The following NECTIN2 variants were observed in gnomAD, a reference collection of about 807,000 sequenced individuals.
The protein encoded by NECTIN2 is nectin-2.
NECTIN2 carries 23 observed loss-of-function variants against 56.9 expected under a neutral mutation model. The ratio of observed to expected loss-of-function variants is 0.40; its 90% CI spans 0.29 to 0.57. The LOEUF (loss-of-function observed/expected upper bound fraction) is 0.57. Among genes scored for constraint, NECTIN2 ranks in the 20% least tolerant of loss-of-function variants. The probability of loss-of-function intolerance (pLI) is 0.38; values close to 1 mark genes in which losing one functional copy is unlikely to be tolerated. For synonymous variants in NECTIN2, 302 were observed against 313.8 expected (o/e 0.96, Z 0.40); for missense variants, 587 against 718.3 (o/e 0.82, Z 2.09).
chr19:44,847,077 A>G (rs1054894272), intron 1 of NECTIN2, among the ~76,000 whole-genome samples: 1 of 151,534 alleles, frequency 6.6e-6, no homozygotes, highest in Non-Finnish European at 1.5e-5. Context: ...TCCCTCCCCT[A>G]TTTTTCCTTC....
At position 44,875,888 on chromosome 19, in the gene NECTIN2, C is replaced by G. The variant is rs112988238; in HGVS notation, c.1042+1410C>G. On this transcript the variant is annotated intron_variant, in intron 5 of 8. Coordinates refer to ENST00000252483, the MANE Select transcript of NECTIN2 (RefSeq NM_001042724.2). The surrounding 1 kb of genome is among the most constrained non-coding windows in gnomAD (Gnocchi z 4.2). ...ACAGACAGCAAACCCAGAGAGACAGCTGTCCCGCTCTGGGCTCGCCTGGCG... is the reference window on the plus strand; with the variant it reads ...ACAGACAGCAAACCCAGAGAGACAGGTGTCCCGCTCTGGGCTCGCCTGGCG... 6.4e-4 allele frequency among the ~76,000 whole-genome samples: 98 copies of G among 152,326 alleles called. No homozygotes were observed. The highest frequency in any genetic ancestry group is 2.3e-3 in the African/African-American group (97 of 41,572).
intron 3 of NECTIN2, among the ~76,000 whole-genome samples, chr19:44,872,841 A>T (rs1046200479): frequency 6.8e-5 from 10 of 147,650 alleles, no homozygotes; most frequent in African/African-American, 1.5e-4. Flanking sequence ...TATTATATAA[A>T]ATATATAAAT....
rs1283632288 is a variant in NECTIN2, at chr19:44,888,310, G to C, written c.1548G>C (p.Leu516=). 7 of 1,613,916 alleles carry C rather than the reference G, an allele frequency of 4.3e-6. No individual in the cohort carries two copies. In the East Asian group the frequency reaches 1.1e-4, roughly 26 times the overall value. ...AGATCAACCCCATCTATGATGCTCT[G>C]TCCTATAGCAGCCCCTCTGATTCCT... ...LDKINPIYDA[L]SYSSPSDSYQ... The change falls in exon 9 of 9, where the codon CTG becomes CTC. Residue 516 remains leucine, a synonymous_variant. Transcript: ENST00000252483.
chr19:44,862,475 AAAAG>A (rs111559700), intron 1 of NECTIN2, among the ~76,000 whole-genome samples: 6 of 149,882 alleles, frequency 4.0e-5, no homozygotes, highest in Admixed American at 4.0e-4. Context: ...ATAAAAAAAA[AAAAG>A]AAAGAAAATG....
rs1421519242 is a variant in NECTIN2, at chr19:44,888,688, T to C, written c.*309T>C. ...TTAGACCATACCTCTCACCCCCCAA[T>C]GCCTCGACTCCCCCAAAATCACAAA... On this transcript the variant is annotated 3_prime_UTR_variant, in exon 9 of 9. Coordinates refer to ENST00000252483, the MANE Select transcript of NECTIN2 (RefSeq NM_001042724.2). The C allele has an allele frequency of 1.7e-5, 6 of 363,306 alleles. No homozygotes were observed. The highest frequency in any genetic ancestry group is 5.2e-5 in the South Asian group (1 of 19,332). The allele number at this position is 363,306 out of a possible 1,614,324, so 22.5% of individuals were successfully genotyped here.
At position 44,848,029 on chromosome 19, in the gene NECTIN2, TAG is replaced by T. The variant is rs1220945648; in HGVS notation, c.88+1419_88+1420del. Among the ~76,000 whole-genome samples, 19 of 152,146 alleles carry T rather than the reference TAG, an allele frequency of 1.2e-4. 1 individual carries two copies. Among genetic ancestry groups the T allele is most frequent in the Admixed American group, 1.2e-3 (19 of 15,288 alleles). ...TTCCCAGCGACAAACTCTGGGATGC[TAG>T]AGTTTCCCGAGGGTTTGCGCAGAAG... On this transcript the variant is annotated intron_variant, in intron 1 of 8. Transcript: ENST00000252483.
intron 5 of NECTIN2, among the ~76,000 whole-genome samples, chr19:44,877,428 C>T (rs1969252242): frequency 6.6e-6 from 1 of 152,192 alleles, no homozygotes; most frequent in East Asian, 1.9e-4. Context: ...TCCGCCTCCC[C>T]ACTACCTCCC....
intron 2 of NECTIN2, among the ~76,000 whole-genome samples, chr19:44,868,337 A>G (rs390952): frequency 0.68 from 96,727 of 142,568 alleles, 33,651 homozygotes; most frequent in East Asian, 0.88. Context: ...GCACTCCAGC[A>G]CGAGACCCTG....
chr19:44,859,685 C>T (rs971699444), intron 1 of NECTIN2, among the ~76,000 whole-genome samples: 2 of 152,062 alleles, frequency 1.3e-5, no homozygotes, highest in Non-Finnish European at 2.9e-5. Flanking sequence ...TCAGCCGGAC[C>T]GTAGTGGCTC....
intron 1 of NECTIN2, among the ~76,000 whole-genome samples, chr19:44,850,974 G>C (rs1435133088): frequency 1.3e-5 from 2 of 152,078 alleles, no homozygotes; most frequent in African/African-American, 2.4e-5. Flanking sequence ...AGCCAGGCAG[G>C]AGTCCAGGAG....
At chr19:44,878,455 A>G (rs1186328320) in intron 5 of NECTIN2, 1 of 1,606,886 alleles carries the variant, frequency 6.2e-7, no homozygotes, top group African/African-American at 1.3e-5. Flanking sequence ...TCTGGACACC[A>G]GTAGTCCCTG....
chr19:44,853,425 G>C lies in NECTIN2; in HGVS notation c.88+6812G>C, dbSNP rs1968925190. ...TTAGCCAGGATGGTCTCAATCTCCT[G>C]ACCTCGTGATCTGCCTGCCTTGGCC... On this transcript the variant is annotated intron_variant, in intron 1 of 8. Transcript: ENST00000252483. 2.6e-5 allele frequency among the ~76,000 whole-genome samples: 4 copies of C among 150,966 alleles called. No homozygotes were observed. The Admixed American group carries it at 2.7e-4, about 10-fold the overall frequency.
Position 44,874,861 on chromosome 19 carries a change from C to T in NECTIN2, c.1042+383C>T, listed in dbSNP as rs939929969. 2.0e-5 allele frequency among the ~76,000 whole-genome samples: 3 copies of T among 152,162 alleles called. No homozygotes were observed. The highest frequency in any genetic ancestry group is 6.5e-5 in the Admixed American group (1 of 15,276). On this transcript the variant is annotated intron_variant, in intron 5 of 8. Transcript: ENST00000252483. The surrounding 1 kb of genome is among the most constrained non-coding windows in gnomAD (Gnocchi z 6.3). ...GACAGAAACCAAGAGCTCCCACCCC[C>T]AGAAACACAATCCGGCCCCAAGGCA...
rs537733922 is a variant in NECTIN2 at position 44,865,240 on chromosome 19, G to A, written c.89-31G>A. ...AGGTGTCTGGGTCCCTCCCCCACCC[G>A]ACTACTTCACTCTCTGTCCTCTCTG... On this transcript the variant is annotated intron_variant, in intron 1 of 8. Transcript: ENST00000252483. The surrounding 1 kb of genome is among the most constrained non-coding windows in gnomAD (Gnocchi z 5.2). 27 of 1,568,828 alleles carry A rather than the reference G, an allele frequency of 1.7e-5. No homozygotes were observed. The South Asian group carries it at 2.4e-4, about 14-fold the overall frequency.
rs555392948 is a variant in NECTIN2, at chr19:44,865,749, G to A, written c.478+89G>A. 8.4e-5 allele frequency: 114 copies of A among 1,356,090 alleles called. No homozygotes were observed. Among genetic ancestry groups the A allele is most frequent in the Non-Finnish European group, 9.6e-5 (99 of 1,026,018 alleles). 84.0% of individuals were successfully genotyped at this position (1,356,090 alleles called of 1,614,324 possible). ...CGGGTCAGTTTCTCTCTTGGCTTCA[G>A]CTGTGAGGTTCACATTCTCTGTGGG... is the stretch of plus-strand genomic sequence containing the variant. On this transcript the variant is annotated intron_variant, in intron 2 of 8. Transcript: ENST00000252483. This position sits in a 1 kb window ranked among gnomAD's most constrained non-coding sequence, Gnocchi z 5.2.
intron 8 of NECTIN2, among the ~76,000 whole-genome samples, 187 bp from the exon 9 acceptor site, chr19:44,887,923 T>G (rs1969378619): frequency 6.6e-6 from 1 of 152,132 alleles, no homozygotes; most frequent in Non-Finnish European, 1.5e-5. Flanking sequence ...TTGCACGAGC[T>G]GGGCTTTGGG....
chr19:44,867,893 T>G (rs1969120001), intron 2 of NECTIN2, among the ~76,000 whole-genome samples: 4 of 148,530 alleles, frequency 2.7e-5, no homozygotes, highest in East Asian at 2.0e-4. Context: ...GTATGAGGAG[T>G]GATTGGAGGA....
intron 6 of NECTIN2, among the ~76,000 whole-genome samples, chr19:44,883,536 A>C (rs1220546869): frequency 6.6e-6 from 1 of 152,164 alleles, no homozygotes; most frequent in Non-Finnish European, 1.5e-5. Context: ...CGGCCTCCCA[A>C]AGTGCTAAGA....
chr19:44,879,883 G>C (rs1439463909), intron 5 of NECTIN2, among the ~76,000 whole-genome samples: 7 of 152,192 alleles, frequency 4.6e-5, no homozygotes, highest in Non-Finnish European at 7.3e-5. Context: ...GCTGTGGCCT[G>C]CACAGACCCA....
Sources: gnomAD v4.1 joint callset for allele counts (sites outside exome capture counted in the v4.1 genomes callset) on GRCh38, gnomAD v4.1.1 for gene constraint, Gnocchi (gnomAD v3.1) non-coding constraint, MANE v1.5 for transcripts, NCBI Gene and HGNC (gene_info 2026-07-23, HGNC 2026-07-21) for gene names.